DNAJC2: variants seen among roughly 807,000 people sequenced by gnomAD.
DNAJC2 encodes DnaJ heat shock protein family (Hsp40) member C2.
DNAJC2 carries 32 observed loss-of-function variants against 94.0 expected under a neutral mutation model. The observed-to-expected ratio is 0.34, with a 90% CI of 0.26 to 0.46. The LOEUF (loss-of-function observed/expected upper bound fraction) is 0.46, where lower values mean the gene tolerates loss of function less well. Ranked by LOEUF, DNAJC2 falls within the 20% of genes least tolerant of loss-of-function variation. The pLI is 1.00. For missense variants in DNAJC2, 550 were observed against 719.5 expected, an observed-to-expected ratio of 0.76 and a Z score of 2.69; for synonymous variants, 210 against 229.7, an observed-to-expected ratio of 0.91 and a Z score of 0.77.
intron 3 of DNAJC2, among the ~76,000 whole-genome samples, chr7:103,334,709 C>A (rs1586107268): frequency 6.6e-6 from 1 of 151,750 alleles, no homozygotes; most frequent in Non-Finnish European, 1.5e-5. Context: ...TAGTCTCCCA[C>A]AGTGCTAGGA....
At position 103,321,379 on chromosome 7, in the gene DNAJC2, G is replaced by A. The variant is rs1191884554; in HGVS notation, c.1083+553C>T. 5.3e-5 allele frequency among the ~76,000 whole-genome samples: 8 copies of A among 152,134 alleles called. No individual in the cohort carries two copies. In the East Asian group the frequency reaches 1.4e-3, roughly 26 times the overall value. On this transcript the variant is annotated intron_variant, in intron 10 of 16. Transcript: ENST00000379263. ...TAAAAATACAAAAAATTAGCCAGGC[G>A]TGGTGGCAGGCACCTGTAATCCCAT... is the stretch of plus-strand genomic sequence containing the variant.
intron 15 of DNAJC2, 124 bp downstream of exon 15, chr7:103,315,640 A>G (rs970474389): frequency 6.7e-6 from 4 of 601,336 alleles, no homozygotes; most frequent in Non-Finnish European, 8.6e-6. Context: ...ATGTTTGCTT[A>G]CAGCTTCCAG....
chr7:103,321,340 A>T (rs1460934409), intron 10 of DNAJC2, among the ~76,000 whole-genome samples: 1 of 151,964 alleles, frequency 6.6e-6, no homozygotes, highest in Non-Finnish European at 1.5e-5. Flanking sequence ...AACACAGTGA[A>T]ACTCTGTCTC....
chr7:103,344,342 G>A, intron 1 of DNAJC2: 1 of 588,736 alleles, frequency 1.7e-6, no homozygotes, highest in Non-Finnish European at 3.0e-6. Context: ...AGGAAGCAAC[G>A]GTAGGAGCAA....
chr7:103,313,951 C>G (rs960575322), intron 15 of DNAJC2: 5 of 985,262 alleles, frequency 5.1e-6, no homozygotes, highest in African/African-American at 1.7e-5. Context: ...CTGACTACTA[C>G]TAGAAACTGC....
intron 3 of DNAJC2, among the ~76,000 whole-genome samples, chr7:103,331,279 T>C (rs1364738912): frequency 4.6e-5 from 7 of 152,238 alleles, no homozygotes; most frequent in Admixed American, 3.9e-4. Context: ...TAATTCATGA[T>C]ACATGCATAA....
chr7:103,341,540 G>A (rs907553030), intron 2 of DNAJC2, among the ~76,000 whole-genome samples: 1 of 152,110 alleles, frequency 6.6e-6, no homozygotes, highest in East Asian at 1.9e-4. Context: ...TTTTAAGACC[G>A]GTGCAAACAT....
chr7:103,344,699 T>G lies in DNAJC2; in HGVS notation c.-77A>C. Reference sequence around the variant, plus strand: ...GGGCGCTTAGGGTCCCCTCCAGCTCTACCTCTCACTCCGAGCCTCGCGCCT... The same window carrying G: ...GGGCGCTTAGGGTCCCCTCCAGCTCGACCTCTCACTCCGAGCCTCGCGCCT... On this transcript the variant is annotated 5_prime_UTR_variant, in exon 1 of 17. An upstream open reading frame in the 5' UTR loses its in-frame stop. Transcript: ENST00000379263. The G allele has an allele frequency of 2.0e-6, 3 of 1,468,976 alleles. No homozygotes were observed. Among genetic ancestry groups the G allele is most frequent in the Non-Finnish European group, 2.8e-6 (3 of 1,064,482 alleles). 91.0% of individuals were successfully genotyped at this position (1,468,976 alleles called of 1,614,324 possible).
rs929265865 is a variant in DNAJC2 at position 103,335,406 on chromosome 7, G to A, written c.331+2330C>T. ...AGTTTCTTTCTAAATAAAGACTGAC[G>A]GAATATTCCACAAGGGTGGTAGAGA... On this transcript the variant is annotated intron_variant, in intron 3 of 16. Coordinates refer to ENST00000379263, the MANE Select transcript of DNAJC2 (RefSeq NM_014377.3). The A allele has an allele frequency of 1.3e-4, 20 of 152,186 alleles. No individual in the cohort carries two copies. In the East Asian group the frequency reaches 2.3e-3, roughly 18 times the overall value. The allele number at this position is 152,186 out of a possible 1,614,324, so 9.4% of individuals were successfully genotyped here.
intron 3 of DNAJC2, among the ~76,000 whole-genome samples, chr7:103,331,468 G>T (rs528961594): frequency 1.3e-5 from 2 of 151,972 alleles, no homozygotes; most frequent in African/African-American, 4.8e-5. Flanking sequence ...CCTTCTAATT[G>T]TATGTTTGTA....
chr7:103,317,579 A>G (rs1003898976), intron 12 of DNAJC2, among the ~76,000 whole-genome samples: 4 of 152,188 alleles, frequency 2.6e-5, no homozygotes, highest in African/African-American at 9.7e-5. Context: ...TAGAACCAGT[A>G]AAGTCCCAAT....
chr7:103,344,311 T>C, intron 1 of DNAJC2: 3 of 575,616 alleles, frequency 5.2e-6, no homozygotes, highest in Admixed American at 3.2e-5. Context: ...GCCCAATCCA[T>C]GAGTCAGCAG....
chr7:103,329,984 C>T (rs939018136), intron 3 of DNAJC2, among the ~76,000 whole-genome samples: 19 of 152,080 alleles, frequency 1.2e-4, no homozygotes, highest in Admixed American at 3.3e-4. Context: ...GCTGCTTCAC[C>T]CCTGGATTTT....
Position 103,341,967 on chromosome 7 carries a change from GT to G in DNAJC2, c.65-14del. 1 of 1,541,058 alleles carries G rather than the reference GT, an allele frequency of 6.5e-7. No homozygotes were observed. The highest frequency in any genetic ancestry group is 8.7e-7 in the Non-Finnish European group (1 of 1,146,104). On this transcript the variant is annotated splice_polypyrimidine_tract_variant and intron_variant, in intron 1 of 16. Transcript: ENST00000379263. Reference sequence around the variant, plus strand: ...CAGAGTGTAGAGGCTGTGATTGAAAGTGTTAAGAGAGGCTTCAGTGTATCGC... The same window carrying G: ...CAGAGTGTAGAGGCTGTGATTGAAAGGTTAAGAGAGGCTTCAGTGTATCGC...
chr7:103,321,798 A>C (rs982090080), intron 10 of DNAJC2, 134 bp downstream of exon 10: 5 of 940,392 alleles, frequency 5.3e-6, no homozygotes, highest in Non-Finnish European at 4.6e-6. Context: ...CGGTGAACTG[A>C]GATCGCGCCA....
At chr7:103,334,510 A>G (rs1819091329) in intron 3 of DNAJC2, among the ~76,000 whole-genome samples, 1 of 151,450 alleles carries the variant, frequency 6.6e-6, no homozygotes, top group African/African-American at 2.4e-5. Flanking sequence ...CTGGAGATGG[A>G]GGTTGCAGTG....
rs1004469610 is a variant in DNAJC2, at chr7:103,344,743, G to A, written c.-121C>T. 16 of 1,018,560 alleles carry A rather than the reference G, an allele frequency of 1.6e-5. No homozygotes were observed. The highest frequency in any genetic ancestry group is 6.0e-5 in the Admixed American group (3 of 49,604). 63.1% of individuals were successfully genotyped at this position (1,018,560 alleles called of 1,614,324 possible). ...CGCGCCTTGGCTCTAAGACGCCCAG[G>A]AACCGGCGCATGGAGACGACCAGTA... is the stretch of plus-strand genomic sequence containing the variant. On this transcript the variant is annotated 5_prime_UTR_variant, in exon 1 of 17. Transcript: ENST00000379263.
chr7:103,343,674 C>T lies in DNAJC2; in HGVS notation c.64+885G>A, dbSNP rs115589500. On this transcript the variant is annotated intron_variant, in intron 1 of 16. Coordinates refer to ENST00000379263, the MANE Select transcript of DNAJC2 (RefSeq NM_014377.3). Reference sequence around the variant, plus strand: ...GGGTAAATCACTGTACATGTGTATACTAGCAATTCAAAAAAGGAAAATCCC... The same window carrying T: ...GGGTAAATCACTGTACATGTGTATATTAGCAATTCAAAAAAGGAAAATCCC... Among the ~76,000 whole-genome samples the T allele has an allele frequency of 3.8e-3, 573 of 152,264 alleles. 4 individuals are homozygous for T. Among genetic ancestry groups the T allele is most frequent in the African/African-American group, 0.014 (564 of 41,548 alleles).
chr7:103,344,309 C>G lies in DNAJC2; in HGVS notation c.64+250G>C, dbSNP rs1819511469. 3 of 577,278 alleles carry G rather than the reference C, an allele frequency of 5.2e-6. No homozygotes were observed. The South Asian group carries it at 6.4e-5, about 12-fold the overall frequency. The allele number at this position is 577,278 out of a possible 1,614,324, so 35.8% of individuals were successfully genotyped here. ...CCGTCCCGAAATGCTCAGCCCAATC[C>G]ATGAGTCAGCAGCGGCGAGAGGAGG... is the stretch of plus-strand genomic sequence containing the variant. On this transcript the variant is annotated intron_variant, in intron 1 of 16. Transcript: ENST00000379263.
Sources: allele counts gnomAD v4.1 joint callset (sites outside exome capture counted in the v4.1 genomes callset), GRCh38; gene constraint gnomAD v4.1.1; transcripts MANE v1.5; gene names NCBI Gene and HGNC (gene_info 2026-07-23, HGNC 2026-07-21).